The following THSD4 variants were observed in gnomAD, a reference collection of about 807,000 sequenced individuals.
THSD4 encodes the protein thrombospondin type 1 domain containing 4, also known as thrombospondin type-1 domain-containing protein 4.
Under a neutral mutation model 119.0 loss-of-function variants are expected in THSD4, and 69 were observed. The ratio of observed to expected loss-of-function variants is 0.58; its 90% CI spans 0.48 to 0.71. The LOEUF is 0.71. Among genes scored for constraint, THSD4 ranks in the 30% least tolerant of loss-of-function variants. The pLI, the probability that THSD4 is intolerant of heterozygous loss-of-function variation, is 0.00. For synonymous variants in THSD4, 524 were observed against 540.4 expected (o/e 0.97, Z 0.42); for missense variants, 1,393 against 1,391.1 (o/e 1.00, Z -0.02).
intron 7 of THSD4, among the ~76,000 whole-genome samples, chr15:71,515,462 C>G (rs1343137330): frequency 2.0e-5 from 3 of 152,124 alleles, no homozygotes. Flanking sequence ...TGGCCGCGTC[C>G]TTGTCTGTAG....
intron 8 of THSD4, among the ~76,000 whole-genome samples, chr15:71,703,383 T>G (rs963759175): frequency 1.3e-5 from 2 of 152,248 alleles, no homozygotes; most frequent in African/African-American, 4.8e-5. Flanking sequence ...AGTTTTATTA[T>G]TTTAATTTGT....
At chr15:71,524,906 C>T (rs1473835308) in intron 7 of THSD4, among the ~76,000 whole-genome samples, 2 of 151,146 alleles carry the variant, frequency 1.3e-5, no homozygotes, top group East Asian at 3.9e-4. Context: ...GCCACCATGC[C>T]CGGCCTCTTG....
At chr15:71,718,102 T>C (rs1326384998) in intron 8 of THSD4, among the ~76,000 whole-genome samples, 2 of 149,010 alleles carry the variant, frequency 1.3e-5, no homozygotes, top group Non-Finnish European at 2.9e-5. Context: ...TGAGCCATGA[T>C]CATGCCATTG....
chr15:71,689,289 C>T (rs185090591), intron 8 of THSD4, among the ~76,000 whole-genome samples: 5 of 152,256 alleles, frequency 3.3e-5, no homozygotes, highest in South Asian at 2.1e-4. Context: ...TCTGGGCTTC[C>T]GGAAGCAGCG....
intron 7 of THSD4, among the ~76,000 whole-genome samples, chr15:71,630,152 A>G (rs1050599912): frequency 1.3e-5 from 2 of 152,142 alleles, no homozygotes; most frequent in Non-Finnish European, 2.9e-5. Context: ...AAAAAAAGAA[A>G]ACAAACAGAC....
chr15:71,543,892 G>A (rs1595872087), intron 7 of THSD4, among the ~76,000 whole-genome samples: 2 of 152,288 alleles, frequency 1.3e-5, no homozygotes, highest in African/African-American at 4.8e-5. Flanking sequence ...GCCAGGCATG[G>A]TGGTGCAAGC....
At chr15:71,669,017 G>A (rs1407792947) in intron 8 of THSD4, among the ~76,000 whole-genome samples, 5 of 152,250 alleles carry the variant, frequency 3.3e-5, no homozygotes, top group African/African-American at 1.2e-4. Context: ...CTGTAGGATA[G>A]ACTCTTGGCA....
intron 7 of THSD4, among the ~76,000 whole-genome samples, chr15:71,600,727 T>G: frequency 6.6e-6 from 1 of 151,250 alleles, no homozygotes; most frequent in African/African-American, 2.5e-5. Context: ...TTATCATGCC[T>G]GTCTTTTTTT....
At chr15:71,652,346 A>C (rs968613908) in intron 7 of THSD4, among the ~76,000 whole-genome samples, 6 of 152,118 alleles carry the variant, frequency 3.9e-5, no homozygotes, top group Non-Finnish European at 7.4e-5. Context: ...ACAATTCACC[A>C]TACGGCTCTA....
chr15:71,143,700 CTTTTTTTTTT>C (rs546375502), intron 2 of THSD4, among the ~76,000 whole-genome samples: 2 of 100,744 alleles, frequency 2.0e-5, no homozygotes, highest in African/African-American at 3.5e-5. Context: ...TTTTTTCTTT[CTTTTTTTTTT>C]TTTTTTTTTC....
intron 5 of THSD4, among the ~76,000 whole-genome samples, chr15:71,249,014 C>T (rs1033511696): frequency 6.6e-6 from 1 of 152,000 alleles, no homozygotes; most frequent in African/African-American, 2.4e-5. Context: ...GAAATATGTG[C>T]GAGTATCAGT....
At chr15:71,411,577 A>G in intron 6 of THSD4, 110 bp from the exon 7 acceptor site, 1 of 1,223,100 alleles carries the variant, frequency 8.2e-7, no homozygotes, top group Non-Finnish European at 1.1e-6. Flanking sequence ...TTTGTGTTAT[A>G]CAAATTTTTC....
intron 3 of THSD4, among the ~76,000 whole-genome samples, chr15:71,173,907 G>A (rs927689317): frequency 1.3e-5 from 2 of 151,972 alleles, no homozygotes; most frequent in African/African-American, 2.4e-5. Context: ...CCATTCGATG[G>A]GAAAAGATGT....
Position 71,728,570 on chromosome 15 carries a change from G to A in THSD4, c.1379G>A (p.Arg460His), listed in dbSNP as rs756586014. Residue 460 changes from arginine to histidine, a missense_variant, in exon 9 of 18, where the codon CGC (arginine) becomes CAC (histidine). Coordinates refer to ENST00000261862, the MANE Select transcript of THSD4 (RefSeq NM_024817.3). ...NYLALRSRSG[R>H]SIINGNWAID... The stretch of plus-strand genomic sequence containing the variant: ...ACAGCCCTGAGAAGTCGTTCTGGAC[G>A]CTCCATCATCAATGGGAACTGGGCA... The A allele has an allele frequency of 1.6e-5, 26 of 1,614,116 alleles. No homozygotes were observed. The highest frequency in any genetic ancestry group is 2.2e-5 in the South Asian group (2 of 91,066).
chr15:71,645,135 A>G (rs1159337038), intron 7 of THSD4, among the ~76,000 whole-genome samples: 1 of 152,194 alleles, frequency 6.6e-6, no homozygotes, highest in African/African-American at 2.4e-5. Flanking sequence ...GGGGAGCCCC[A>G]GGGTCACTAG....
intron 6 of THSD4, among the ~76,000 whole-genome samples, chr15:71,362,033 T>A (rs1455604206): frequency 2.0e-5 from 3 of 152,212 alleles, no homozygotes; most frequent in African/African-American, 7.2e-5. Flanking sequence ...ATCCCAGCAC[T>A]TGGGAGGCCA....
At chr15:71,327,620 A>G (rs2045362799) in intron 6 of THSD4, among the ~76,000 whole-genome samples, 1 of 151,554 alleles carries the variant, frequency 6.6e-6, no homozygotes, top group Non-Finnish European at 1.5e-5. Flanking sequence ...AGAAACCCCC[A>G]TTCCCTTCTT....
At chr15:71,290,414 A>G (rs1324117566) in intron 6 of THSD4, among the ~76,000 whole-genome samples, 2 of 143,952 alleles carry the variant, frequency 1.4e-5, no homozygotes, top group Non-Finnish European at 3.1e-5. Flanking sequence ...TTTCATTTGT[A>G]TGTCATTTAG....
chr15:71,672,482 T>C, intron 8 of THSD4, among the ~76,000 whole-genome samples: 1 of 152,204 alleles, frequency 6.6e-6, no homozygotes, highest in South Asian at 2.1e-4. Context: ...CTTTTATTTC[T>C]TTCTCTGGCC....
Sources: allele counts gnomAD v4.1 joint callset (sites outside exome capture counted in the v4.1 genomes callset), GRCh38; gene constraint gnomAD v4.1.1; transcripts MANE v1.5; gene names NCBI Gene and HGNC (gene_info 2026-07-23, HGNC 2026-07-21).